ABCA6: variants seen among roughly 807,000 people sequenced by gnomAD.
The protein encoded by ABCA6 is ATP binding cassette subfamily A member 6, also known as ATP-binding cassette sub-family A member 6.
A neutral mutation model predicts 191.2 loss-of-function variants in ABCA6; 164 were observed. That is an observed-to-expected ratio of 0.86 (90% CI 0.76 to 0.98). ABCA6 has a LOEUF of 0.98. Among genes scored for constraint, ABCA6 ranks in the 50% least tolerant of loss-of-function variants. The probability of loss-of-function intolerance (pLI) is 0.00; values close to 1 mark genes in which losing one functional copy is unlikely to be tolerated. For missense variants in ABCA6, 1,958 were observed against 1,894.1 expected, an observed-to-expected ratio of 1.03 and a Z score of -0.63; for synonymous variants, 636 against 647.7, an observed-to-expected ratio of 0.98 and a Z score of 0.27.
intron 11 of ABCA6, 62 bp from the exon 12 acceptor site, chr17:69,115,548 G>T (rs1226055423): frequency 5.7e-6 from 7 of 1,225,200 alleles, no homozygotes; most frequent in Non-Finnish European, 8.1e-6. Flanking sequence ...CATTAGACAG[G>T]CCTGGTCCCA....
At chr17:69,137,157 T>G in intron 3 of ABCA6, 139 bp downstream of exon 3, 1 of 814,804 alleles carries the variant, frequency 1.2e-6, no homozygotes, top group East Asian at 2.7e-5. Flanking sequence ...AGCAATAATC[T>G]AACCAGATTT....
chr17:69,105,390 C>T, intron 20 of ABCA6, 72 bp downstream of exon 20: 2 of 1,393,656 alleles, frequency 1.4e-6, no homozygotes, highest in East Asian at 2.5e-5. Flanking sequence ...TTCACTTCCC[C>T]CCCCCACCTC....
intron 33 of ABCA6, 27 bp downstream of exon 33, chr17:69,084,405 C>T (rs777103028): frequency 6.2e-7 from 1 of 1,614,020 alleles, no homozygotes; most frequent in African/African-American, 1.3e-5. Context: ...CACCAGCTCT[C>T]CATAGAGCAT....
chr17:69,140,294 C>T lies in ABCA6; in HGVS notation c.96+314G>A, dbSNP rs533669699. ...AAATAAATCCACAAAATTAAAATGT[C>T]TCCATTTCTTCTGACAACATTTTTT... On this transcript the variant is annotated intron_variant, in intron 2 of 38. Transcript: ENST00000284425. Among the ~76,000 whole-genome samples, 10 of 152,052 alleles carry T rather than the reference C, an allele frequency of 6.6e-5. No individual in the cohort carries two copies. In the South Asian group the frequency reaches 1.0e-3, roughly 16 times the overall value.
intron 1 of ABCA6, 136 bp from the exon 2 acceptor site, chr17:69,140,884 T>C (rs560275679): frequency 1.6e-4 from 61 of 392,760 alleles, no homozygotes; most frequent in Non-Finnish European, 2.6e-4. Context: ...ACCTCAAATA[T>C]TTCACCTTAA....
intron 11 of ABCA6, chr17:69,115,770 T>A (rs2073527002): frequency 4.9e-6 from 1 of 205,856 alleles, no homozygotes; most frequent in African/African-American, 2.3e-5. Context: ...TAAAGATTAA[T>A]AAAATGACCT....
chr17:69,101,874 C>T lies in ABCA6; in HGVS notation c.2875-940G>A, dbSNP rs534358193. On this transcript the variant is annotated intron_variant, in intron 21 of 38. Transcript: ENST00000284425. ...GTAATTTCCCAAAACTGGCACAAAGCGATTACATTTTTTATAGCATATTTA... is the reference window on the plus strand; with the variant it reads ...GTAATTTCCCAAAACTGGCACAAAGTGATTACATTTTTTATAGCATATTTA... Among the ~76,000 whole-genome samples the T allele has an allele frequency of 2.4e-4, 36 of 152,194 alleles. No homozygotes were observed. In the South Asian group the frequency reaches 7.3e-3, roughly 31 times the overall value.
intron 15 of ABCA6, chr17:69,112,528 T>C (rs2073444720): frequency 2.8e-6 from 1 of 351,990 alleles, no homozygotes. Context: ...CTGGAGTCTA[T>C]TATCATAAGT....
chr17:69,088,283 A>G, intron 27 of ABCA6, 25 bp from the exon 28 acceptor site: 6 of 1,512,376 alleles, frequency 4.0e-6, no homozygotes, highest in Non-Finnish European at 5.4e-6. Flanking sequence ...ATACAGTTAT[A>G]TTTAGGCATA....
intron 17 of ABCA6, chr17:69,108,129 G>T (rs577912684): frequency 3.8e-5 from 10 of 260,648 alleles, no homozygotes; most frequent in Non-Finnish European, 5.8e-5. Flanking sequence ...ACAAACCCAC[G>T]TATATCTCTA....
At chr17:69,117,690 C>T (rs188625008) in intron 11 of ABCA6, among the ~76,000 whole-genome samples, 3 of 151,932 alleles carry the variant, frequency 2.0e-5, no homozygotes, top group Admixed American at 2.0e-4. Context: ...TGTATGATAC[C>T]ACTGTTATAA....
At chr17:69,091,042 T>A in intron 26 of ABCA6, 101 bp downstream of exon 26, 2 of 1,246,292 alleles carry the variant, frequency 1.6e-6, no homozygotes, top group Non-Finnish European at 2.2e-6. Context: ...CATTTGCTGT[T>A]ACTCCCCAGT....
At chr17:69,091,364 T>C in intron 25 of ABCA6, 102 bp from the exon 26 acceptor site, 2 of 1,288,452 alleles carry the variant, frequency 1.6e-6, no homozygotes, top group Non-Finnish European at 2.2e-6. Context: ...TATCATAATG[T>C]TCCCATATGC....
In ABCA6 at chr17:69,136,743, A is replaced by G. The variant is rs567746918; in HGVS notation, c.302-493T>C. Among the ~76,000 whole-genome samples the G allele has an allele frequency of 6.6e-4, 101 of 152,204 alleles. No individual in the cohort carries two copies. In the South Asian group the frequency reaches 0.018, roughly 27 times the overall value. ...AAGAGTAAATAGCCAAATTGCACCCAATTTGCCCATGAATGAAATATGCAT... is the reference window on the plus strand; with the variant it reads ...AAGAGTAAATAGCCAAATTGCACCCGATTTGCCCATGAATGAAATATGCAT... On this transcript the variant is annotated intron_variant, in intron 3 of 38. Coordinates refer to ENST00000284425, the MANE Select transcript of ABCA6 (RefSeq NM_080284.3).
chr17:69,079,961 A>C (rs2072590665), intron 37 of ABCA6, among the ~76,000 whole-genome samples: 1 of 152,172 alleles, frequency 6.6e-6, no homozygotes, highest in Non-Finnish European at 1.5e-5. Context: ...TTTTTACCGG[A>C]TGGTCAGAGA....
intron 35 of ABCA6, 53 bp from the exon 36 acceptor site, chr17:69,083,066 A>G: frequency 6.3e-7 from 1 of 1,599,198 alleles, no homozygotes; most frequent in South Asian, 1.1e-5. Context: ...TAATTTTTTA[A>G]TGTTATTCTT....
intron 33 of ABCA6, 21 bp from the exon 34 acceptor site, chr17:69,084,376 C>G (rs745525222): frequency 6.2e-7 from 1 of 1,614,100 alleles, no homozygotes; most frequent in South Asian, 1.1e-5. Context: ...GAAAAACACC[C>G]CTGTTTGCTG....
chr17:69,135,056 T>A (rs893133459), intron 4 of ABCA6, among the ~76,000 whole-genome samples: 3 of 151,954 alleles, frequency 2.0e-5, no homozygotes, highest in Non-Finnish European at 4.4e-5. Flanking sequence ...AATTTTTGTA[T>A]TTTTAGTAGA....
chr17:69,102,873 A>C lies in ABCA6; in HGVS notation c.2836T>G (p.Ser946Ala). 2 of 1,599,564 alleles carry C rather than the reference A, an allele frequency of 1.3e-6. No homozygotes were observed. Among genetic ancestry groups the C allele is most frequent in the Non-Finnish European group, 1.7e-6 (2 of 1,175,706 alleles). ...GAAACTATGATAGCTCCATTGTATG[A>C]GAGGCCATCAGTACCATTTCTGTTT... ...FENRNGTDGL[S>A]YNGAIIVSGK... is the part of the protein sequence containing the mutation. The change falls in exon 21 of 39, where the codon TCA becomes GCA. Residue 946 changes from serine (S) to alanine (A), a missense_variant. Coordinates refer to ENST00000284425, the MANE Select transcript of ABCA6 (RefSeq NM_080284.3).
Sources: allele counts gnomAD v4.1 joint callset (sites outside exome capture counted in the v4.1 genomes callset), GRCh38; gene constraint gnomAD v4.1.1; transcripts MANE v1.5; gene names NCBI Gene and HGNC (gene_info 2026-07-23, HGNC 2026-07-21).